VWA8: variants seen among roughly 807,000 people sequenced by gnomAD.
The protein encoded by VWA8 is von Willebrand factor A domain containing 8.
VWA8 carries 221 observed loss-of-function variants against 241.5 expected under a neutral mutation model. The ratio of observed to expected loss-of-function variants is 0.91; its 90% CI spans 0.82 to 1.02. The LOEUF is 1.02. VWA8 is among the 50% of genes least tolerant of loss of function. The probability of loss-of-function intolerance (pLI) is 0.00; values close to 1 mark genes in which losing one functional copy is unlikely to be tolerated. For synonymous variants in VWA8, 852 were observed against 827.1 expected, an observed-to-expected ratio of 1.03 and a Z score of -0.52; for missense variants, 2,322 against 2,328.7, an observed-to-expected ratio of 1.00 and a Z score of 0.06.
At chr13:41,907,793 G>C in intron 3 of VWA8, 97 bp from the exon 4 acceptor site, 6 of 1,023,442 alleles carry the variant, frequency 5.9e-6, no homozygotes, top group Non-Finnish European at 7.4e-6. Flanking sequence ...CCCATGAGAA[G>C]TGCATTGTTA....
chr13:41,713,438 C>T (rs1228548638), intron 26 of VWA8, among the ~76,000 whole-genome samples: 5 of 152,086 alleles, frequency 3.3e-5, no homozygotes, highest in Non-Finnish European at 5.9e-5. Context: ...CTATTATGGT[C>T]TTAGAACGTG....
At chr13:41,819,688 A>G (rs4147047) in intron 14 of VWA8, among the ~76,000 whole-genome samples, 123,611 of 152,074 alleles carry the variant, frequency 0.81, 51,085 homozygotes, top group East Asian at 1. Context: ...TTTCTCCATA[A>G]TGTCTTGAAA....
Position 41,830,613 on chromosome 13 carries a change from T to C in VWA8, c.1616A>G (p.Tyr539Cys), listed in dbSNP as rs745797795. Residue 539 changes from tyrosine to cysteine, a missense_variant, in exon 14 of 45, where the codon TAT becomes TGT. Tyr to Cys is a radical substitution (Grantham distance 194, BLOSUM62 -2). Coordinates refer to ENST00000379310, the MANE Select transcript of VWA8 (RefSeq NM_015058.2). Reference protein sequence around the residue: ...RLIHDRELSLYDGSRLLREDR... With the variant: ...RLIHDRELSLCDGSRLLREDR... ...TTCTCTCAGCAGCCTAGAACCATCA[T>C]AGAGGCTTAGCTCTCGATCATGGAT... 2.5e-6 allele frequency: 4 copies of C among 1,613,714 alleles called. No homozygotes were observed. Among genetic ancestry groups the C allele is most frequent in the South Asian group, 2.2e-5 (2 of 91,078 alleles).
intron 21 of VWA8, among the ~76,000 whole-genome samples, chr13:41,745,518 TCAAA>T (rs1209451791): frequency 6.6e-6 from 1 of 151,974 alleles, no homozygotes; most frequent in Admixed American, 6.6e-5. Context: ...CAAGAAAAAA[TCAAA>T]CAACCCTATC....
chr13:41,679,658 C>G (rs540256098), intron 35 of VWA8, among the ~76,000 whole-genome samples: 39 of 152,190 alleles, frequency 2.6e-4, no homozygotes, highest in Non-Finnish European at 4.0e-4. Context: ...TGAAAGCCAC[C>G]AGGAGAGTAG....
chr13:41,920,352 C>G (rs969671622), intron 2 of VWA8, among the ~76,000 whole-genome samples: 2 of 152,112 alleles, frequency 1.3e-5, no homozygotes, highest in Non-Finnish European at 2.9e-5. Context: ...ATTCCTGCCC[C>G]CTGGGTGTAA....
rs937151780 is a variant in VWA8 at position 41,947,836 on chromosome 13, G to A, written c.241+2100C>T. On this transcript the variant is annotated intron_variant, in intron 2 of 44. Transcript: ENST00000379310. ...TATAGTCCCAGCTGCTGGAGAGGCT[G>A]AGGACCTGGAGGTTGAACCTGGGAG... 4.0e-5 allele frequency among the ~76,000 whole-genome samples: 6 copies of A among 149,678 alleles called. No individual in the cohort carries two copies. In the Admixed American group the frequency reaches 4.1e-4, roughly 10 times the overall value.
intron 12 of VWA8, among the ~76,000 whole-genome samples, chr13:41,856,951 A>C (rs1383884980): frequency 1.3e-5 from 2 of 151,972 alleles, no homozygotes; most frequent in Non-Finnish European, 2.9e-5. Context: ...TTTTTGTTAG[A>C]ATAATAGACA....
rs1566037047 is a variant in VWA8, at chr13:41,912,185, G to GA, written c.242-18dup. 1 of 1,569,036 alleles carries GA rather than the reference G, an allele frequency of 6.4e-7. No individual in the cohort carries two copies. Among genetic ancestry groups the GA allele is most frequent in the Non-Finnish European group, 8.6e-7 (1 of 1,158,334 alleles). On this transcript the variant is annotated splice_polypyrimidine_tract_variant and intron_variant, in intron 2 of 44. Transcript: ENST00000379310. ...AGTCTGAAACTATAAAGAAAAAAGAGAAAATGAAGTGCAAATTTAAGTATT... is the reference window on the plus strand; with the variant it reads ...AGTCTGAAACTATAAAGAAAAAAGAGAAAAATGAAGTGCAAATTTAAGTATT...
intron 9 of VWA8, among the ~76,000 whole-genome samples, chr13:41,870,635 CAAA>C (rs1330134932): frequency 8.2e-5 from 5 of 61,166 alleles, no homozygotes; most frequent in Admixed American, 6.8e-4. Flanking sequence ...GACTCCGTCT[CAAA>C]AAAAAAAAAA....
At chr13:41,805,459 T>A (rs560467612) in intron 17 of VWA8, among the ~76,000 whole-genome samples, 57 of 151,996 alleles carry the variant, frequency 3.8e-4, no homozygotes, top group Non-Finnish European at 6.9e-4. Context: ...TAAACCCCAA[T>A]ACAATAATAG....
intron 12 of VWA8, among the ~76,000 whole-genome samples, chr13:41,842,481 G>T (rs1872103032): frequency 1.3e-5 from 2 of 152,176 alleles, no homozygotes; most frequent in African/African-American, 4.8e-5. Flanking sequence ...TGTCAATGGG[G>T]AAAAGTTGAT....
At chr13:41,821,635 G>GA (rs1318561518) in intron 14 of VWA8, among the ~76,000 whole-genome samples, 1 of 151,778 alleles carries the variant, frequency 6.6e-6, no homozygotes, top group Admixed American at 6.6e-5. Flanking sequence ...TTAGCAACAA[G>GA]AAAAAAATAA....
chr13:41,813,709 C>A (rs1870567571), intron 16 of VWA8, among the ~76,000 whole-genome samples: 2 of 152,054 alleles, frequency 1.3e-5, no homozygotes, highest in African/African-American at 4.8e-5. Context: ...GCAGTAATAA[C>A]CAGGGTTGAG....
At position 41,583,670 on chromosome 13, in the gene VWA8, A is replaced by G. The variant is rs529016625; in HGVS notation, c.5271+3842T>C. ...AAAAAAAAAAAAAAAAAACAAACAAAAAAAGAATCTATAAGACAACTGGCC... is the reference window on the plus strand; with the variant it reads ...AAAAAAAAAAAAAAAAAACAAACAAGAAAAGAATCTATAAGACAACTGGCC... On this transcript the variant is annotated intron_variant, in intron 42 of 44. Coordinates refer to ENST00000379310, the MANE Select transcript of VWA8 (RefSeq NM_015058.2). Among the ~76,000 whole-genome samples the G allele has an allele frequency of 2.9e-3, 440 of 151,698 alleles. 3 individuals carry two copies. Among genetic ancestry groups the G allele is most frequent in the Non-Finnish European group, 5.4e-3 (367 of 67,874 alleles).
At chr13:41,835,569 G>T (rs1437398965) in intron 12 of VWA8, among the ~76,000 whole-genome samples, 1 of 151,924 alleles carries the variant, frequency 6.6e-6, no homozygotes, top group Non-Finnish European at 1.5e-5. Flanking sequence ...TTTTTCCTGG[G>T]CCCAAGCAAA....
chr13:41,633,988 T>TCCC (rs1360886386), intron 37 of VWA8, among the ~76,000 whole-genome samples: 1 of 152,086 alleles, frequency 6.6e-6, no homozygotes, highest in Non-Finnish European at 1.5e-5. Flanking sequence ...CCCACTTATC[T>TCCC]CCCTTTGTGC....
At chr13:41,570,069 C>T (rs2044290485) in intron 44 of VWA8, among the ~76,000 whole-genome samples, 1 of 152,120 alleles carries the variant, frequency 6.6e-6, no homozygotes, top group African/African-American at 2.4e-5. Flanking sequence ...TTCATACACA[C>T]ACACTATCTC....
At chr13:41,669,465 C>G (rs1458959607) in intron 37 of VWA8, among the ~76,000 whole-genome samples, 3 of 152,114 alleles carry the variant, frequency 2.0e-5, no homozygotes, top group Non-Finnish European at 2.9e-5. Context: ...AATCATTGTG[C>G]TACAAGCTAG....
Sources: gnomAD v4.1 joint callset for allele counts (sites outside exome capture counted in the v4.1 genomes callset) on GRCh38, gnomAD v4.1.1 for gene constraint, MANE v1.5 for transcripts, NCBI Gene and HGNC (gene_info 2026-07-23, HGNC 2026-07-21) for gene names.